The following TBC1D31 variants were observed in gnomAD, a reference collection of about 807,000 sequenced individuals.
The protein encoded by TBC1D31 is WD repeat domain 67.
TBC1D31 carries 99 observed loss-of-function variants against 132.9 expected under a neutral mutation model. The ratio of observed to expected loss-of-function variants is 0.74; its 90% CI spans 0.63 to 0.88. TBC1D31 has a LOEUF of 0.88. Among genes scored for constraint, TBC1D31 ranks in the 40% least tolerant of loss-of-function variants. The pLI is 0.00. For synonymous variants in TBC1D31, 385 were observed against 419.4 expected (o/e 0.92, Z 1.00); for missense variants, 1,134 against 1,256.6 (o/e 0.90, Z 1.48).
the TBC1D31 span, among the ~76,000 whole-genome samples, chr8:123,163,510 G>A: frequency 5.9e-5 from 9 of 151,620 alleles, no homozygotes; most frequent in South Asian, 2.1e-4. Context: ...GACCACATGG[G>A]CGTGCCACCA....
chr8:123,144,657 T>G, intron 19 of TBC1D31, 60 bp from the exon 20 acceptor site: 1 of 1,486,104 alleles, frequency 6.7e-7, no homozygotes. Context: ...CTCATTCCAC[T>G]GTGAAATGTG....
chr8:123,130,349 C>G lies in TBC1D31; in HGVS notation c.2406+16C>G, dbSNP rs758584369. ...TGGGAGAAAGGTTTATTATTCTTAACTTAGTTCTCATACATCATCTCCATT... is the reference window on the plus strand; with the variant it reads ...TGGGAGAAAGGTTTATTATTCTTAAGTTAGTTCTCATACATCATCTCCATT... On this transcript the variant is annotated intron_variant, in intron 16 of 21. Coordinates refer to ENST00000287380, the MANE Select transcript of TBC1D31 (RefSeq NM_145647.4). 5 of 1,600,660 alleles carry G rather than the reference C, an allele frequency of 3.1e-6. No individual in the cohort carries two copies. Among genetic ancestry groups the G allele is most frequent in the Non-Finnish European group, 4.3e-6 (5 of 1,173,256 alleles).
chr8:123,077,194 G>A lies in TBC1D31; in HGVS notation c.161G>A (p.Gly54Asp), dbSNP rs201776968. The A allele has an allele frequency of 5.0e-6, 8 of 1,613,068 alleles. No homozygotes were observed. Among genetic ancestry groups the A allele is most frequent in the African/African-American group, 4.0e-5 (3 of 74,948 alleles). The part of the protein sequence containing the change: ...RFLNVAFDGT[G>D]DCLIAGDHQG... ...TTGAATGTGGCTTTTGATGGCACAG[G>A]CGACTGCTTAATTGCTGGGGACCAC... The change falls in exon 2 of 22, where the codon GGC becomes GAC. Residue 54 changes from glycine (G) to aspartate (D), a missense_variant. Physicochemically the swap from Gly to Asp is moderately conservative, Grantham distance 94. Coordinates refer to ENST00000287380, the MANE Select transcript of TBC1D31 (RefSeq NM_145647.4).
At position 123,077,173 on chromosome 8, in the gene TBC1D31, A is replaced by T. The variant is rs1291022113; in HGVS notation, c.140A>T (p.Asn47Ile). Residue 47 changes from asparagine to isoleucine, a missense_variant, in exon 2 of 22, where the codon AAT becomes ATT. Coordinates refer to ENST00000287380, the MANE Select transcript of TBC1D31 (RefSeq NM_145647.4). ...DYHPKVLRFL[N>I]VAFDGTGDCL... ...CATCCAAAAGTTTTGCGATTTTTGA[A>T]TGTGGCTTTTGATGGCACAGGCGAC... 3.7e-6 allele frequency: 6 copies of T among 1,613,098 alleles called. No individual in the cohort carries two copies. Among genetic ancestry groups the T allele is most frequent in the Non-Finnish European group, 4.2e-6 (5 of 1,179,712 alleles).
chr8:123,116,851 G>C (rs1489770283), intron 10 of TBC1D31, among the ~76,000 whole-genome samples: 5 of 152,146 alleles, frequency 3.3e-5, no homozygotes, highest in Non-Finnish European at 7.3e-5. Flanking sequence ...AAATATCCAT[G>C]AGTTCATCCT....
At chr8:123,092,686 G>T (rs1372579980) in intron 4 of TBC1D31, among the ~76,000 whole-genome samples, 4 of 151,828 alleles carry the variant, frequency 2.6e-5, no homozygotes, top group African/African-American at 9.7e-5. Flanking sequence ...GTCTTGCTCT[G>T]TCACCCAGGC....
At chr8:123,075,992 G>A (rs1814471435) in intron 1 of TBC1D31, among the ~76,000 whole-genome samples, 2 of 152,134 alleles carry the variant, frequency 1.3e-5, no homozygotes, top group Non-Finnish European at 2.9e-5. Flanking sequence ...TAAATAACAT[G>A]TCTAAAAGAT....
Position 123,100,979 on chromosome 8 carries a change from T to C in TBC1D31, c.1004T>C (p.Val335Ala). 6.2e-7 allele frequency: 1 copy of C among 1,613,666 alleles called. No homozygotes were observed. Among genetic ancestry groups the C allele is most frequent in the Non-Finnish European group, 8.5e-7 (1 of 1,179,672 alleles). The change falls in exon 7 of 22, where the codon GTT becomes GCT. Residue 335 changes from valine to alanine, a missense_variant. By Grantham distance (64) the Val-to-Ala change is moderately conservative. Coordinates refer to ENST00000287380, the MANE Select transcript of TBC1D31 (RefSeq NM_145647.4). The part of the protein sequence containing the change: ...MENGSLNIYS[V>A]QALTQEINKP... The stretch of plus-strand genomic sequence containing the variant: ...AATGGAAGTCTAAACATATATTCAG[T>C]TCAGGCTTTAACACAAGAAATAAAT...
At chr8:123,102,518 G>T in intron 7 of TBC1D31, 1 of 278,354 alleles carries the variant, frequency 3.6e-6, no homozygotes. Context: ...AGAAGATTCT[G>T]ATTTATATGT....
intron 4 of TBC1D31, among the ~76,000 whole-genome samples, chr8:123,091,155 G>A (rs1878776): frequency 4.0e-5 from 6 of 151,874 alleles, no homozygotes; most frequent in Non-Finnish European, 7.4e-5. Flanking sequence ...TTTCTCAAGA[G>A]ATGACACTAT....
At chr8:123,115,432 A>G (rs1818827456) in intron 10 of TBC1D31, among the ~76,000 whole-genome samples, 1 of 152,176 alleles carries the variant, frequency 6.6e-6, no homozygotes, top group Non-Finnish European at 1.5e-5. Flanking sequence ...GGTTGTTCTG[A>G]GTATTGTATC....
chr8:123,085,652 A>G (rs983447379), intron 4 of TBC1D31, among the ~76,000 whole-genome samples: 3 of 151,200 alleles, frequency 2.0e-5, no homozygotes, highest in Non-Finnish European at 4.4e-5. Context: ...CTTGTGATCC[A>G]CCCGCCTTAG....
At chr8:123,153,117 G>A (rs544002217), downstream of TBC1D31, among the ~76,000 whole-genome samples, 80 of 152,182 alleles carry the variant, frequency 5.3e-4, no homozygotes, top group African/African-American at 1.9e-3. Flanking sequence ...ACGTTTTTAG[G>A]TGACTGCAAA....
intron 16 of TBC1D31, among the ~76,000 whole-genome samples, chr8:123,133,633 G>A (rs1820821961): frequency 6.6e-6 from 1 of 152,150 alleles, no homozygotes; most frequent in Non-Finnish European, 1.5e-5. Flanking sequence ...TTGGAAATAG[G>A]TGAACTCTAA....
chr8:123,137,616 GGGTT>G (rs1220340796), intron 17 of TBC1D31, among the ~76,000 whole-genome samples: 3 of 152,222 alleles, frequency 2.0e-5, no homozygotes, highest in Non-Finnish European at 4.4e-5. Flanking sequence ...TTGGTATCCA[GGGTT>G]TTACTGGGGG....
At chr8:123,148,615 G>A (rs1042926082) in intron 20 of TBC1D31, among the ~76,000 whole-genome samples, 5 of 152,160 alleles carry the variant, frequency 3.3e-5, no homozygotes, top group Non-Finnish European at 7.3e-5. Flanking sequence ...CACCTGATTC[G>A]CGTCTTGTCT....
the TBC1D31 span, among the ~76,000 whole-genome samples, chr8:123,162,079 A>C: frequency 1.1e-3 from 161 of 152,140 alleles, 5 homozygotes; most frequent in South Asian, 0.031. Flanking sequence ...ATTCCATACA[A>C]ACCAAAATCT....
At chr8:123,107,693 A>G (rs1319815588) in intron 8 of TBC1D31, among the ~76,000 whole-genome samples, 4 of 152,214 alleles carry the variant, frequency 2.6e-5, no homozygotes, top group African/African-American at 4.8e-5. Flanking sequence ...ATGTCAGGGT[A>G]TCTGGCAGCA....
the TBC1D31 span, among the ~76,000 whole-genome samples, chr8:123,164,498 G>A: frequency 6.6e-6 from 1 of 152,174 alleles, no homozygotes; most frequent in Non-Finnish European, 1.5e-5. Context: ...GAGGTTGGCA[G>A]ATAGTTTGAG....
Sources: gnomAD v4.1 joint callset for allele counts (sites outside exome capture counted in the v4.1 genomes callset) on GRCh38, gnomAD v4.1.1 for gene constraint, MANE v1.5 for transcripts, NCBI Gene and HGNC (gene_info 2026-07-23, HGNC 2026-07-21) for gene names.